The following AGBL4 variants were observed in gnomAD, a reference collection of about 807,000 sequenced individuals.
The protein encoded by AGBL4 is AGBL carboxypeptidase 4.
Under a neutral mutation model 66.4 loss-of-function variants are expected in AGBL4, and 58 were observed. The observed-to-expected ratio is 0.87, with a 90% CI of 0.71 to 1.09. The LOEUF (loss-of-function observed/expected upper bound fraction) is 1.09. AGBL4 is among the 50% of genes least tolerant of loss of function. AGBL4 has a pLI of 0.00. For missense variants in AGBL4, 579 were observed against 631.0 expected, an observed-to-expected ratio of 0.92 and a Z score of 0.88; for synonymous variants, 234 against 222.9, an observed-to-expected ratio of 1.05 and a Z score of -0.44.
At chr1:49,953,527 G>A (rs1457422727) in intron 1 of AGBL4, among the ~76,000 whole-genome samples, 2 of 151,856 alleles carry the variant, frequency 1.3e-5, no homozygotes, top group East Asian at 1.9e-4. Flanking sequence ...TATTTTTAAT[G>A]TCTATTCCCA....
rs146354011 is a variant in AGBL4, at chr1:48,673,562, G to A, written c.635-10321C>T. On this transcript the variant is annotated intron_variant, in intron 6 of 13. Coordinates refer to ENST00000371839, the MANE Select transcript of AGBL4 (RefSeq NM_032785.4). ...GGAGATTTCACTTAATGAAGGAAAAGTATTTCTATTAAAGAGTGTAATTTT... is the reference window on the plus strand; with the variant it reads ...GGAGATTTCACTTAATGAAGGAAAAATATTTCTATTAAAGAGTGTAATTTT... Among the ~76,000 whole-genome samples the A allele has an allele frequency of 2.1e-4, 32 of 152,338 alleles. No homozygotes were observed. In the East Asian group the frequency reaches 5.2e-3, roughly 25 times the overall value.
At chr1:49,782,743 T>A (rs896442860) in intron 2 of AGBL4, among the ~76,000 whole-genome samples, 12 of 152,174 alleles carry the variant, frequency 7.9e-5, no homozygotes, top group Non-Finnish European at 1.5e-4. Context: ...CAGAAGCAGT[T>A]CCTTATGAAA....
At chr1:48,974,558 T>G (rs1659165279) in intron 5 of AGBL4, among the ~76,000 whole-genome samples, 1 of 152,184 alleles carries the variant, frequency 6.6e-6, no homozygotes, top group Non-Finnish European at 1.5e-5. Flanking sequence ...TAGATTCCCA[T>G]AAATTTTATT....
chr1:49,764,286 T>C (rs1017753696), intron 2 of AGBL4, among the ~76,000 whole-genome samples: 24 of 152,046 alleles, frequency 1.6e-4, no homozygotes, highest in African/African-American at 5.8e-4. Context: ...CAGCCACCAG[T>C]CTCCACTGCC....
At chr1:49,251,182 G>A (rs1652032067) in intron 3 of AGBL4, among the ~76,000 whole-genome samples, 1 of 152,124 alleles carries the variant, frequency 6.6e-6, no homozygotes, top group African/African-American at 2.4e-5. Context: ...GACCATGCCT[G>A]ACTGGTGAAG....
chr1:48,721,376 T>A (rs1490590826), intron 6 of AGBL4, among the ~76,000 whole-genome samples: 1 of 152,118 alleles, frequency 6.6e-6, no homozygotes, highest in African/African-American at 2.4e-5. Flanking sequence ...GAATGAGAAA[T>A]GCTGAGGAAA....
chr1:48,944,591 C>A (rs1242819302), intron 5 of AGBL4, among the ~76,000 whole-genome samples: 1 of 152,116 alleles, frequency 6.6e-6, no homozygotes, highest in African/African-American at 2.4e-5. Context: ...TACAGATTTA[C>A]ATTAATATAA....
chr1:49,968,171 C>A (rs114253202), intron 1 of AGBL4, among the ~76,000 whole-genome samples: 4,539 of 146,378 alleles, frequency 0.031, 117 homozygotes, highest in Non-Finnish European at 0.048. Flanking sequence ...TCCAGTGAGC[C>A]AATATCGTGC....
At chr1:49,834,078 C>T (rs978301546) in intron 2 of AGBL4, among the ~76,000 whole-genome samples, 8 of 152,142 alleles carry the variant, frequency 5.3e-5, no homozygotes, top group African/African-American at 1.7e-4. Context: ...GTTTTGGTAT[C>T]AGGATTATGA....
chr1:48,894,236 A>T (rs1040342379), intron 5 of AGBL4, among the ~76,000 whole-genome samples: 2 of 152,218 alleles, frequency 1.3e-5, no homozygotes, highest in African/African-American at 4.8e-5. Context: ...AGTTACATAA[A>T]CTGAAATTTA....
chr1:48,786,976 C>G (rs1327438057), intron 6 of AGBL4, among the ~76,000 whole-genome samples: 3 of 152,134 alleles, frequency 2.0e-5, no homozygotes, highest in Non-Finnish European at 2.9e-5. Flanking sequence ...TTGCCTTGTG[C>G]TAGGCTTTAT....
Position 49,602,597 on chromosome 1 carries a change from A to T in AGBL4, c.282+94716T>A, listed in dbSNP as rs140183410. Among the ~76,000 whole-genome samples the T allele has an allele frequency of 1.4e-3, 216 of 152,200 alleles. 8 individuals are homozygous for T. In the East Asian group the frequency reaches 0.039, roughly 27 times the overall value. On this transcript the variant is annotated intron_variant, in intron 3 of 13. Coordinates refer to ENST00000371839, the MANE Select transcript of AGBL4 (RefSeq NM_032785.4). ...CTCAGCAAACTAACACAAGAACAGAAAACCAAACACCACGTGTTCTCACTC... is the reference window on the plus strand; with the variant it reads ...CTCAGCAAACTAACACAAGAACAGATAACCAAACACCACGTGTTCTCACTC...
chr1:48,699,654 T>C (rs1229217088), intron 6 of AGBL4, among the ~76,000 whole-genome samples: 1 of 152,204 alleles, frequency 6.6e-6, no homozygotes, highest in Non-Finnish European at 1.5e-5. Flanking sequence ...TCTTACCTTT[T>C]GTTGGGGATA....
chr1:48,542,485 A>C (rs1386939460), intron 11 of AGBL4, among the ~76,000 whole-genome samples: 1 of 152,152 alleles, frequency 6.6e-6, no homozygotes, highest in Non-Finnish European at 1.5e-5. Context: ...CTATTTCTTC[A>C]CATCCTCTCC....
At chr1:49,137,984 C>T (rs1185151255) in intron 4 of AGBL4, among the ~76,000 whole-genome samples, 1 of 151,968 alleles carries the variant, frequency 6.6e-6, no homozygotes, top group Non-Finnish European at 1.5e-5. Flanking sequence ...GATTTACATA[C>T]ACGAAGATAG....
At chr1:48,995,390 AGATATT>A in intron 5 of AGBL4, among the ~76,000 whole-genome samples, 1 of 152,320 alleles carries the variant, frequency 6.6e-6, no homozygotes, top group South Asian at 2.1e-4. Context: ...GTCAGTCTAC[AGATATT>A]TATTGAATGT....
chr1:49,448,896 AT>A (rs1646217577), intron 3 of AGBL4, among the ~76,000 whole-genome samples: 1 of 150,982 alleles, frequency 6.6e-6, no homozygotes, highest in Non-Finnish European at 1.5e-5. Context: ...TAAATATATG[AT>A]TAATACTTAA....
At chr1:49,729,397 A>C (rs1395968053) in intron 2 of AGBL4, among the ~76,000 whole-genome samples, 1 of 152,206 alleles carries the variant, frequency 6.6e-6, no homozygotes, top group Non-Finnish European at 1.5e-5. Context: ...ATAATTAAGA[A>C]ACCGAATTTT....
At chr1:48,779,704 CTTTTT>C (rs200375125) in intron 6 of AGBL4, among the ~76,000 whole-genome samples, 11 of 137,182 alleles carry the variant, frequency 8.0e-5, no homozygotes, top group African/African-American at 3.0e-4. Context: ...CTGTTCCTCT[CTTTTT>C]TTTTTTTTTT....
Sources: allele counts gnomAD v4.1 joint callset (sites outside exome capture counted in the v4.1 genomes callset), GRCh38; gene constraint gnomAD v4.1.1; transcripts MANE v1.5; gene names NCBI Gene and HGNC (gene_info 2026-07-23, HGNC 2026-07-21).